The following EML5 variants were observed in gnomAD, a reference collection of about 807,000 sequenced individuals.
EML5 encodes EMAP like 5.
EML5 carries 120 observed loss-of-function variants against 250.0 expected under a neutral mutation model. The ratio of observed to expected loss-of-function variants is 0.48; its 90% confidence interval spans 0.41 to 0.56. The LOEUF (loss-of-function observed/expected upper bound fraction) is 0.56, where lower values mean the gene tolerates loss of function less well. Ranked by LOEUF, EML5 falls within the 20% of genes least tolerant of loss-of-function variation. The pLI is 0.00. For missense variants in EML5, 2,006 were observed against 2,437.6 expected, an observed-to-expected ratio of 0.82 and a Z score of 3.73; for synonymous variants, 771 against 806.5, an observed-to-expected ratio of 0.96 and a Z score of 0.75.
At chr14:88,765,750 G>T (rs1232540483) in intron 1 of EML5, among the ~76,000 whole-genome samples, 3 of 152,154 alleles carry the variant, frequency 2.0e-5, no homozygotes, top group African/African-American at 7.2e-5. Context: ...GTCCCCTGGA[G>T]AATTATTTAT....
At chr14:88,748,545 C>T (rs1043893237) in intron 2 of EML5, among the ~76,000 whole-genome samples, 1 of 152,110 alleles carries the variant, frequency 6.6e-6, no homozygotes, top group Non-Finnish European at 1.5e-5. Context: ...TTTGCCAGAA[C>T]AGTGTCCATA....
chr14:88,763,024 T>G (rs1484712766), intron 1 of EML5, among the ~76,000 whole-genome samples: 3 of 152,124 alleles, frequency 2.0e-5, no homozygotes, highest in Non-Finnish European at 4.4e-5. Context: ...TAGAGAGAAA[T>G]TTATAGCACT....
intron 39 of EML5, chr14:88,619,674 T>C (rs1181455639): frequency 6.7e-6 from 1 of 148,720 alleles, no homozygotes; most frequent in Admixed American, 6.9e-5. Context: ...AACTTGAATC[T>C]TGGAAGAAGA....
intron 27 of EML5, among the ~76,000 whole-genome samples, chr14:88,655,267 T>TA (rs1567070460): frequency 6.6e-6 from 1 of 152,148 alleles, no homozygotes; most frequent in Non-Finnish European, 1.5e-5. Context: ...ATGGTACTGG[T>TA]ACCAAAACAG....
rs566323598 is a variant in EML5 at position 88,684,883 on chromosome 14, T to C, written c.2982+132A>G. The C allele has an allele frequency of 4.3e-4, 341 of 790,500 alleles. 2 individuals carry two copies. The African/African-American group carries it at 5.3e-3, about 12-fold the overall frequency. 49.0% of individuals were successfully genotyped at this position (790,500 alleles called of 1,614,324 possible). On this transcript the variant is annotated intron_variant, in intron 20 of 43. Coordinates refer to ENST00000554922, the MANE Select transcript of EML5 (RefSeq NM_183387.3). ...ATTTTTTTCTGTATACATTAAATTT[T>C]TTTTCTGTATACATTAACAAATATT...
intron 4 of EML5, among the ~76,000 whole-genome samples, chr14:88,743,458 A>C (rs1247630330): frequency 6.6e-6 from 1 of 152,090 alleles, no homozygotes; most frequent in Non-Finnish European, 1.5e-5. Context: ...AAGGAAAAGC[A>C]ACACTTTCAG....
At chr14:88,788,800 G>C (rs1895876441) in intron 1 of EML5, among the ~76,000 whole-genome samples, 1 of 151,802 alleles carries the variant, frequency 6.6e-6, no homozygotes, top group African/African-American at 2.4e-5. Flanking sequence ...GCTCACATCT[G>C]TAATCCCAAC....
At chr14:88,689,090 A>G (rs1366649877) in intron 17 of EML5, among the ~76,000 whole-genome samples, 1 of 152,224 alleles carries the variant, frequency 6.6e-6, no homozygotes, top group African/African-American at 2.4e-5. Context: ...ATAGCATTCC[A>G]TTATATAACT....
chr14:88,757,364 T>A (rs1036523313), intron 1 of EML5, among the ~76,000 whole-genome samples: 5 of 152,142 alleles, frequency 3.3e-5, no homozygotes, highest in Admixed American at 2.0e-4. Flanking sequence ...TTGTTAAAAC[T>A]CTTGGAAGAA....
At position 88,791,223 on chromosome 14, in the gene EML5, C is replaced by A. The variant is rs147478993; in HGVS notation, c.197+1084G>T. Among the ~76,000 whole-genome samples the A allele has an allele frequency of 4.8e-3, 730 of 152,256 alleles. 8 individuals are homozygous for A. Among genetic ancestry groups the A allele is most frequent in the African/African-American group, 0.017 (691 of 41,542 alleles). The stretch of plus-strand genomic sequence containing the variant: ...GGAATTTACATACCAGGGCTTCTTG[C>A]CTACAAGACTTCAAACCAAGGTACC... On this transcript the variant is annotated intron_variant, in intron 1 of 43. Coordinates refer to ENST00000554922, the MANE Select transcript of EML5 (RefSeq NM_183387.3).
intron 1 of EML5, among the ~76,000 whole-genome samples, chr14:88,774,099 C>G (rs973393210): frequency 6.6e-6 from 1 of 151,988 alleles, no homozygotes; most frequent in Non-Finnish European, 1.5e-5. Context: ...GCCTGGGTGA[C>G]GAGAGCGAGA....
In EML5 at chr14:88,626,926, G is replaced by T; in HGVS notation, c.4652C>A (p.Ala1551Glu). 6.2e-7 allele frequency: 1 copy of T among 1,613,894 alleles called. No individual in the cohort carries two copies. Among genetic ancestry groups the T allele is most frequent in the Non-Finnish European group, 8.5e-7 (1 of 1,179,860 alleles). ...TTTTTTGCTAAGAAGAGCTCTTCCT[G>T]CCAGGGTCCAGAACTTCACATGTTT... is the stretch of plus-strand genomic sequence containing the variant. ...GVKHVKFWTL[A>E]GRALLSKKGL... Residue 1551 changes from alanine (A) to glutamate (E), a missense_variant, in exon 35 of 44, where the codon GCA becomes GAA. Ala to Glu is a moderately radical substitution (Grantham distance 107). Around this residue, in one of 7 missense-constraint regions of EML5, gnomAD observed 405 missense variants for 523.3 expected, o/e 0.77. Coordinates refer to ENST00000554922, the MANE Select transcript of EML5 (RefSeq NM_183387.3).
At chr14:88,769,960 T>C (rs541133499) in intron 1 of EML5, among the ~76,000 whole-genome samples, 86 of 148,318 alleles carry the variant, frequency 5.8e-4, no homozygotes, top group African/African-American at 2.1e-3. Context: ...TACAGCATTA[T>C]GTGCAGTTTT....
At chr14:88,681,540 G>C (rs2092713331) in intron 21 of EML5, among the ~76,000 whole-genome samples, 1 of 151,954 alleles carries the variant, frequency 6.6e-6, no homozygotes, top group African/African-American at 2.4e-5. Context: ...GTTCTTTTTT[G>C]AATTTTTTTT....
chr14:88,722,055 C>T (rs1207424813), intron 8 of EML5, among the ~76,000 whole-genome samples: 1 of 152,056 alleles, frequency 6.6e-6, no homozygotes, highest in African/African-American at 2.4e-5. Context: ...AAATCAAAAC[C>T]ACATTGAGGT....
At chr14:88,634,229 A>C (rs2090599134) in intron 33 of EML5, among the ~76,000 whole-genome samples, 1 of 152,118 alleles carries the variant, frequency 6.6e-6, no homozygotes, top group African/African-American at 2.4e-5. Context: ...TCCACCATAC[A>C]GGACATACCT....
At chr14:88,708,927 T>C (rs931925535) in intron 10 of EML5, among the ~76,000 whole-genome samples, 1 of 152,076 alleles carries the variant, frequency 6.6e-6, no homozygotes, top group African/African-American at 2.4e-5. Context: ...ACTATAATGA[T>C]CATAGAAGCT....
chr14:88,688,190 G>A, intron 18 of EML5, 81 bp downstream of exon 18: 1 of 1,382,084 alleles, frequency 7.2e-7, no homozygotes, highest in South Asian at 1.2e-5. Context: ...CAAGTAGAAA[G>A]GCAGTGTTCC....
At chr14:88,683,771 A>G (rs764258354) in intron 20 of EML5, among the ~76,000 whole-genome samples, 1 of 152,196 alleles carries the variant, frequency 6.6e-6, no homozygotes, top group Non-Finnish European at 1.5e-5. Context: ...AAAATGCTCC[A>G]CAAATTTGGA....
Sources: allele counts gnomAD v4.1 joint callset (sites outside exome capture counted in the v4.1 genomes callset), GRCh38; gene constraint gnomAD v4.1.1; regional missense constraint gnomAD v4.1.1; transcripts MANE v1.5; gene names NCBI Gene and HGNC (gene_info 2026-07-23, HGNC 2026-07-21).